PDE9A: variants seen among roughly 807,000 people sequenced by gnomAD.
PDE9A encodes the protein high affinity cGMP-specific 3',5'-cyclic phosphodiesterase 9A.
In PDE9A, 60 loss-of-function variants were observed where a neutral mutation model predicts 87.4. The ratio of observed to expected loss-of-function variants is 0.69; its 90% CI spans 0.56 to 0.85. The LOEUF (loss-of-function observed/expected upper bound fraction) is 0.85, where lower values mean the gene tolerates loss of function less well. Among genes scored for constraint, PDE9A ranks in the 40% least tolerant of loss-of-function variants. The probability of loss-of-function intolerance (pLI) is 0.00; values close to 1 mark genes in which losing one functional copy is unlikely to be tolerated. For synonymous variants in PDE9A, 272 were observed against 279.4 expected (o/e 0.97, Z 0.27); for missense variants, 665 against 779.0 (o/e 0.85, Z 1.74).
At chr21:42,717,543 CA>C (rs201070168) in intron 4 of PDE9A, among the ~76,000 whole-genome samples, 28 of 68,114 alleles carry the variant, frequency 4.1e-4, no homozygotes, top group Admixed American at 3.4e-4. Flanking sequence ...GACTCCATCT[CA>C]AAAAAAAAAA....
chr21:42,766,557 C>G (rs1391994697), intron 15 of PDE9A, among the ~76,000 whole-genome samples: 1 of 152,182 alleles, frequency 6.6e-6, no homozygotes, highest in Non-Finnish European at 1.5e-5. Flanking sequence ...TAGGTAGAGT[C>G]ATTAGGACTC....
At chr21:42,773,658 G>A (rs888801787) in intron 19 of PDE9A, among the ~76,000 whole-genome samples, 2 of 150,938 alleles carry the variant, frequency 1.3e-5, no homozygotes, top group Admixed American at 6.6e-5. Context: ...AAAATTAGCC[G>A]GGCGTGGTGG....
At chr21:42,753,841 G>A in intron 9 of PDE9A, 149 bp from the exon 10 acceptor site, 1 of 526,272 alleles carries the variant, frequency 1.9e-6, no homozygotes, top group South Asian at 2.4e-5. Flanking sequence ...TCCAGCGTGG[G>A]CAAGAGTGAG....
chr21:42,660,557 C>T lies in PDE9A; in HGVS notation c.69+6674C>T, dbSNP rs1274913313. Among the ~76,000 whole-genome samples, 3 of 151,562 alleles carry T rather than the reference C, an allele frequency of 2.0e-5. No homozygotes were observed. Among genetic ancestry groups the T allele is most frequent in the Non-Finnish European group, 4.4e-5 (3 of 67,942 alleles). On this transcript the variant is annotated intron_variant, in intron 1 of 19. Transcript: ENST00000291539. This position sits in a 1 kb window ranked among gnomAD's most constrained non-coding sequence, Gnocchi z 4.7. Reference sequence around the variant, plus strand: ...CTCGGGTGACAGTGCACCAGAATCTCAGAAATCACCACTAAAGAACTTACC... The same window carrying T: ...CTCGGGTGACAGTGCACCAGAATCTTAGAAATCACCACTAAAGAACTTACC...
At chr21:42,661,597 T>C (rs759433868) in intron 1 of PDE9A, among the ~76,000 whole-genome samples, 4 of 152,176 alleles carry the variant, frequency 2.6e-5, no homozygotes, top group Admixed American at 6.5e-5. Flanking sequence ...CGGTATTCCA[T>C]TGTGTGCGTG....
Position 42,732,056 on chromosome 21 carries a change from T to G in PDE9A, c.443-14T>G, listed in dbSNP as rs773288314. ...TTGTCCGTGTTCCATCTGTCTTTCT[T>G]CTTTGGTTTGTAGAGAGAGAAGAAT... On this transcript the variant is annotated splice_polypyrimidine_tract_variant and intron_variant, in intron 5 of 19. Coordinates refer to ENST00000291539, the MANE Select transcript of PDE9A (RefSeq NM_002606.3). 6.2e-7 allele frequency: 1 copy of G among 1,614,160 alleles called. No individual in the cohort carries two copies. Among genetic ancestry groups the G allele is most frequent in the Non-Finnish European group, 8.5e-7 (1 of 1,179,956 alleles).
chr21:42,764,144 G>A (rs773132764), intron 14 of PDE9A, among the ~76,000 whole-genome samples: 12 of 152,228 alleles, frequency 7.9e-5, no homozygotes, highest in East Asian at 5.8e-4. Flanking sequence ...CGGGAGGAGC[G>A]CCGACAGCCG....
Position 42,686,965 on chromosome 21 carries a change from CAACACTG to C in PDE9A, c.140+704_140+710del, listed in dbSNP as rs1437944611. Among the ~76,000 whole-genome samples the C allele has an allele frequency of 1.3e-5, 2 of 152,206 alleles. 1 individual carries two copies. Among genetic ancestry groups the C allele is most frequent in the East Asian group, 3.8e-4 (2 of 5,198 alleles). ...TCTACCCAGGGGGCTTGACCCAGAT[CAACACTG>C]GGTGAAAGGCTGACTTCAGAAATGG... On this transcript the variant is annotated intron_variant, in intron 2 of 19. Coordinates refer to ENST00000291539, the MANE Select transcript of PDE9A (RefSeq NM_002606.3).
At chr21:42,770,502 T>G (rs572998439) in intron 17 of PDE9A, among the ~76,000 whole-genome samples, 3 of 152,226 alleles carry the variant, frequency 2.0e-5, no homozygotes, top group Non-Finnish European at 4.4e-5. Flanking sequence ...GAAGGGGACT[T>G]TCTGTAGGAC....
chr21:42,770,784 G>T lies in PDE9A; in HGVS notation c.1672G>T (p.Asp558Tyr). Reference sequence around the variant, plus strand: ...CTACGAGGAGCTGAAGCGGATAGATGACGCCATGAAAGAGGTAAAACACAC... The same window carrying T: ...CTACGAGGAGCTGAAGCGGATAGATTACGCCATGAAAGAGGTAAAACACAC... ...DRYEELKRIDDAMKELQKKTD... is the reference protein window; with the variant it reads ...DRYEELKRIDYAMKELQKKTD... Residue 558 changes from aspartate to tyrosine, a missense_variant, in exon 18 of 20, where the codon GAC becomes TAC. Physicochemically the swap from Asp to Tyr is radical, Grantham distance 160. Transcript: ENST00000291539. 6.2e-7 allele frequency: 1 copy of T among 1,613,742 alleles called. No individual in the cohort carries two copies. Among genetic ancestry groups the T allele is most frequent in the South Asian group, 1.1e-5 (1 of 91,068 alleles).
chr21:42,661,917 C>G (rs1569097910), intron 1 of PDE9A, among the ~76,000 whole-genome samples: 1 of 152,148 alleles, frequency 6.6e-6, no homozygotes, highest in African/African-American at 2.4e-5. Flanking sequence ...TTCCGCTCCA[C>G]GGAGCTCAGC....
At chr21:42,743,046 A>C (rs953936757) in intron 7 of PDE9A, among the ~76,000 whole-genome samples, 1 of 152,186 alleles carries the variant, frequency 6.6e-6, no homozygotes, top group Non-Finnish European at 1.5e-5. Flanking sequence ...TCTAAACTAT[A>C]AACTACAAAT....
At chr21:42,698,945 C>A (rs372036608) in intron 3 of PDE9A, 23 bp from the exon 4 acceptor site, 1 of 1,601,250 alleles carries the variant, frequency 6.2e-7, no homozygotes, top group South Asian at 1.1e-5. Flanking sequence ...AGTCTCACAG[C>A]GGCACTGTCT....
chr21:42,754,073 G>GGGGC lies in PDE9A; in HGVS notation c.810+10_810+13dup, dbSNP rs1569251010. Reference sequence around the variant, plus strand: ...TTTGGGAGCCCAATGAGGTAAGTGCGGGGCTTGCAGGCACCACGTCCCAGG... The same window carrying GGGGC: ...TTTGGGAGCCCAATGAGGTAAGTGCGGGGCGGGCTTGCAGGCACCACGTCCCAGG... On this transcript the variant is annotated intron_variant, in intron 10 of 19. Transcript: ENST00000291539. 1 of 1,599,556 alleles carries GGGGC rather than the reference G, an allele frequency of 6.3e-7. No homozygotes were observed. The highest frequency in any genetic ancestry group is 8.6e-7 in the Non-Finnish European group (1 of 1,167,614).
chr21:42,749,916 T>A (rs750855620), intron 8 of PDE9A, among the ~76,000 whole-genome samples: 11 of 152,206 alleles, frequency 7.2e-5, no homozygotes, highest in Non-Finnish European at 1.3e-4. Flanking sequence ...GGCAGGTGGA[T>A]CGCTTGAAGT....
chr21:42,700,387 A>G (rs2048285682), intron 4 of PDE9A, among the ~76,000 whole-genome samples: 1 of 152,194 alleles, frequency 6.6e-6, no homozygotes, highest in African/African-American at 2.4e-5. Flanking sequence ...TACCTATGAT[A>G]CCTATAACCT....
intron 10 of PDE9A, chr21:42,756,777 G>C (rs2055106790): frequency 6.6e-6 from 1 of 152,522 alleles, no homozygotes. Flanking sequence ...ACCACGACCT[G>C]CCGCCACATG....
intron 7 of PDE9A, among the ~76,000 whole-genome samples, chr21:42,741,928 G>A (rs561757287): frequency 6.6e-6 from 1 of 152,166 alleles, no homozygotes; most frequent in Non-Finnish European, 1.5e-5. Context: ...GAGTGGTATC[G>A]TGGGAGTATC....
chr21:42,767,463 C>T (rs1045194581), intron 15 of PDE9A, among the ~76,000 whole-genome samples: 2 of 152,266 alleles, frequency 1.3e-5, no homozygotes, highest in South Asian at 4.1e-4. Context: ...GAAGGGCGAC[C>T]ACAGCAGGAT....
Sources: gnomAD v4.1 joint callset for allele counts (sites outside exome capture counted in the v4.1 genomes callset) on GRCh38, gnomAD v4.1.1 for gene constraint, Gnocchi (gnomAD v3.1) non-coding constraint, MANE v1.5 for transcripts, NCBI Gene and HGNC (gene_info 2026-07-23, HGNC 2026-07-21) for gene names.